The following DHX15 variants were observed in gnomAD, a reference collection of about 807,000 sequenced individuals.
The protein encoded by DHX15 is ATP-dependent RNA helicase DHX15.
Under a neutral mutation model 94.4 loss-of-function variants are expected in DHX15, and 11 were observed. The observed-to-expected ratio is 0.12, with a 90% CI of 0.07 to 0.19. The LOEUF is 0.19. Among genes scored for constraint, DHX15 ranks in the 10% least tolerant of loss-of-function variants. The probability of loss-of-function intolerance (pLI) is 1.00; values close to 1 mark genes in which losing one functional copy is unlikely to be tolerated. For synonymous variants in DHX15, 338 were observed against 329.9 expected (o/e 1.02, Z -0.27); for missense variants, 304 against 988.5 (o/e 0.31, Z 9.29).
Position 24,536,099 on chromosome 4 carries a change from C to T in DHX15, c.1909+952G>A, listed in dbSNP as rs114890277. ...TTCCTCTCAATTTTTGCAAATGGTA[C>T]ATTCCAACAGCAGCAGCTAGCAATA... On this transcript the variant is annotated intron_variant, in intron 11 of 13. Transcript: ENST00000336812. Among the ~76,000 whole-genome samples, 1,456 of 152,180 alleles carry T rather than the reference C, an allele frequency of 9.6e-3. 12 individuals carry two copies. Among genetic ancestry groups the T allele is most frequent in the South Asian group, 0.03 (143 of 4,814 alleles).
chr4:24,577,131 A>G (rs765649228), intron 1 of DHX15, among the ~76,000 whole-genome samples: 1 of 152,238 alleles, frequency 6.6e-6, no homozygotes, highest in African/African-American at 2.4e-5. Flanking sequence ...ACTGGAGATA[A>G]AGACAACTCC....
chr4:24,560,456 C>T (rs1251560323), intron 3 of DHX15, among the ~76,000 whole-genome samples: 2 of 151,992 alleles, frequency 1.3e-5, no homozygotes, highest in African/African-American at 4.8e-5. Context: ...AAAACCTGGA[C>T]ATCATAAAAG....
At position 24,551,339 on chromosome 4, in the gene DHX15, G is replaced by A. The variant is rs377745582; in HGVS notation, c.1081-2317C>T. ...TTTTCAAAGGACAATGATACTAAACGGTGAGGAAGAATTTTAGGACATTTA... is the reference window on the plus strand; with the variant it reads ...TTTTCAAAGGACAATGATACTAAACAGTGAGGAAGAATTTTAGGACATTTA... On this transcript the variant is annotated intron_variant, in intron 5 of 13. Transcript: ENST00000336812. Among the ~76,000 whole-genome samples the A allele has an allele frequency of 7.6e-4, 115 of 151,984 alleles. 1 individual carries two copies. The South Asian group carries it at 0.02, about 26-fold the overall frequency.
At chr4:24,580,318 G>C (rs1722382236) in intron 1 of DHX15, among the ~76,000 whole-genome samples, 1 of 152,024 alleles carries the variant, frequency 6.6e-6, no homozygotes, top group African/African-American at 2.4e-5. Flanking sequence ...GAGACGGGAA[G>C]ATCACTTGAG....
At chr4:24,529,509 G>GA in intron 13 of DHX15, 92 bp downstream of exon 13, 1 of 1,069,280 alleles carries the variant, frequency 9.4e-7, no homozygotes, top group Middle Eastern at 2.1e-4. Context: ...AATTCTCAAT[G>GA]AGTGAATGCA....
chr4:24,536,003 T>C (rs1322901816), intron 11 of DHX15, among the ~76,000 whole-genome samples: 1 of 152,074 alleles, frequency 6.6e-6, no homozygotes, highest in South Asian at 2.1e-4. Flanking sequence ...TGTAGGGCTA[T>C]CAGTTAAAAA....
chr4:24,546,347 GAA>G (rs1219888732), intron 6 of DHX15, among the ~76,000 whole-genome samples: 1 of 152,236 alleles, frequency 6.6e-6, no homozygotes, highest in East Asian at 1.9e-4. Flanking sequence ...ATCAACTATA[GAA>G]AAGTCAGCTA....
At chr4:24,542,160 A>G (rs75659114) in intron 7 of DHX15, 138 bp from the exon 8 acceptor site, 21,660 of 669,766 alleles carry the variant, frequency 0.032, 476 homozygotes, top group Non-Finnish European at 0.042. Context: ...CTGCTACAAT[A>G]GACAACCCAC....
intron 3 of DHX15, among the ~76,000 whole-genome samples, chr4:24,561,866 C>T (rs1279637153): frequency 6.6e-6 from 1 of 152,104 alleles, no homozygotes; most frequent in Non-Finnish European, 1.5e-5. Context: ...AATCTGTACA[C>T]CAGCCCGTAA....
intron 3 of DHX15, among the ~76,000 whole-genome samples, chr4:24,562,821 T>C (rs1180260647): frequency 6.6e-6 from 1 of 152,176 alleles, no homozygotes; most frequent in East Asian, 1.9e-4. Context: ...TAGAACAAGA[T>C]GAATCTTTCA....
At chr4:24,540,023 C>A in intron 10 of DHX15, 85 bp downstream of exon 10, 1 of 1,040,324 alleles carries the variant, frequency 9.6e-7, no homozygotes, top group South Asian at 2.3e-5. Flanking sequence ...CACTATCATA[C>A]TAAAAATTAA....
chr4:24,532,802 C>A, intron 12 of DHX15, 62 bp downstream of exon 12: 2 of 1,287,992 alleles, frequency 1.6e-6, no homozygotes, highest in Non-Finnish European at 2.1e-6. Context: ...ATTCAAAGGA[C>A]TGTTAATAGA....
At chr4:24,564,206 T>C (rs1577346115) in intron 3 of DHX15, among the ~76,000 whole-genome samples, 1 of 152,304 alleles carries the variant, frequency 6.6e-6, no homozygotes, top group Admixed American at 6.5e-5. Context: ...ATAATGGTGG[T>C]TATTTATGAA....
chr4:24,549,114 C>T (rs1166223972), intron 5 of DHX15, 92 bp from the exon 6 acceptor site: 1 of 1,063,912 alleles, frequency 9.4e-7, no homozygotes, highest in Non-Finnish European at 1.3e-6. Flanking sequence ...TTTATGTATG[C>T]CATCTTCTTT....
At chr4:24,565,560 C>A (rs949321472) in intron 3 of DHX15, among the ~76,000 whole-genome samples, 1 of 152,192 alleles carries the variant, frequency 6.6e-6, no homozygotes, top group Non-Finnish European at 1.5e-5. Context: ...TTCACCTTTA[C>A]CTCCAGCCCT....
chr4:24,532,844 T>C lies in DHX15; in HGVS notation c.2100+20A>G, dbSNP rs746765280. On this transcript the variant is annotated intron_variant, in intron 12 of 13. Coordinates refer to ENST00000336812, the MANE Select transcript of DHX15 (RefSeq NM_001358.3). ...TGTCATATGAATACTTAGTTATTCATTCCCATATTATCTACATACCTGCAT... is the reference window on the plus strand; with the variant it reads ...TGTCATATGAATACTTAGTTATTCACTCCCATATTATCTACATACCTGCAT... 20 of 1,535,860 alleles carry C rather than the reference T, an allele frequency of 1.3e-5. No individual in the cohort carries two copies. In the East Asian group the frequency reaches 4.3e-4, roughly 33 times the overall value.
intron 2 of DHX15, among the ~76,000 whole-genome samples, chr4:24,571,188 T>G (rs949453043): frequency 1.3e-5 from 2 of 152,244 alleles, no homozygotes; most frequent in Non-Finnish European, 2.9e-5. Flanking sequence ...AAAGTGTAAC[T>G]TTTAAATTCT....
intron 6 of DHX15, among the ~76,000 whole-genome samples, chr4:24,547,897 GTATGTGTATATATATATATATATA>G (rs1721467271): frequency 7.2e-5 from 4 of 55,792 alleles, no homozygotes; most frequent in South Asian, 5.2e-4. Flanking sequence ...CTCTATGTAT[GTATGTGTATATATATATATATATA>G]TATATATATA....
rs567385876 is a variant in DHX15, at chr4:24,563,102, C to T, written c.702-6692G>A. On this transcript the variant is annotated intron_variant, in intron 3 of 13. Coordinates refer to ENST00000336812, the MANE Select transcript of DHX15 (RefSeq NM_001358.3). Reference sequence around the variant, plus strand: ...CCAGGTATAATTTTTCTATTTACAACTGATCTTTCAGGTTTATCTTTATAT... The same window carrying T: ...CCAGGTATAATTTTTCTATTTACAATTGATCTTTCAGGTTTATCTTTATAT... The T allele has an allele frequency of 2.0e-5, 3 of 151,382 alleles. No individual in the cohort carries two copies. The East Asian group carries it at 5.8e-4, about 29-fold the overall frequency. 9.4% of individuals were successfully genotyped at this position (151,382 alleles called of 1,614,324 possible).
Sources: allele counts gnomAD v4.1 joint callset (sites outside exome capture counted in the v4.1 genomes callset), GRCh38; gene constraint gnomAD v4.1.1; transcripts MANE v1.5; gene names NCBI Gene and HGNC (gene_info 2026-07-23, HGNC 2026-07-21).